BLTP1: variants seen among roughly 807,000 people sequenced by gnomAD.
BLTP1 encodes fragile site-associated protein.
At chr4:122,357,002 A>G in the BLTP1 span, 6 of 984,292 alleles carry the variant, frequency 6.1e-6, no homozygotes, top group Non-Finnish European at 7.2e-6. Flanking sequence ...TTTCAGTTAG[A>G]TCTTACAGGA....
At chr4:122,198,117 A>C in the BLTP1 span, 4 of 985,242 alleles carry the variant, frequency 4.1e-6, no homozygotes, top group African/African-American at 7.0e-5. Flanking sequence ...AGGGTTGACT[A>C]CGTTCATTAG....
chr4:122,328,571 A>T, the BLTP1 span: 1 of 804,670 alleles, frequency 1.2e-6, no homozygotes, highest in South Asian at 5.7e-5. Flanking sequence ...TTTAAATTTA[A>T]ATTTTTTTTT....
At chr4:122,280,235 T>C in the BLTP1 span, 8 of 973,110 alleles carry the variant, frequency 8.2e-6, no homozygotes, top group Non-Finnish European at 9.8e-6. Context: ...TCCTAGAGAT[T>C]TGTGGGTATT....
the BLTP1 span, among the ~76,000 whole-genome samples, chr4:122,302,852 T>TGGATTTTCTTC: frequency 6.6e-6 from 1 of 152,188 alleles, no homozygotes; most frequent in African/African-American, 2.4e-5. Flanking sequence ...AGCAATGCCC[T>TGGATTTTCTTC]AATTTTCTTC....
the BLTP1 span, chr4:122,246,053 A>G: frequency 3.8e-6 from 5 of 1,300,142 alleles, no homozygotes; most frequent in Non-Finnish European, 5.0e-6. Flanking sequence ...TGGCACATAG[A>G]TAGGCATAGA....
chr4:122,226,108 TA>T, the BLTP1 span: 1 of 152,324 alleles, frequency 6.6e-6, no homozygotes, highest in East Asian at 1.9e-4. Context: ...GAGTTTAAAT[TA>T]TGTACTTATT....
the BLTP1 span, among the ~76,000 whole-genome samples, chr4:122,193,248 A>G: frequency 6.6e-6 from 1 of 152,172 alleles, no homozygotes; most frequent in Non-Finnish European, 1.5e-5. Context: ...TAGGACTTCA[A>G]TGTATGAATT....
chr4:122,214,214 G>T, the BLTP1 span: 1 of 971,062 alleles, frequency 1.0e-6, no homozygotes. Context: ...TACATTTTTA[G>T]CTAGGAAAAA....
the BLTP1 span, chr4:122,325,312 C>T: frequency 6.2e-7 from 1 of 1,606,334 alleles, no homozygotes; most frequent in African/African-American, 1.3e-5. Context: ...TTTTAATATC[C>T]AGGATACAGT....
chr4:122,302,287 T>C, the BLTP1 span: 18 of 975,550 alleles, frequency 1.8e-5, no homozygotes, highest in Admixed American at 6.2e-5. Flanking sequence ...ATTAGACATA[T>C]CCTATACAGG....
At chr4:122,194,766 A>T in the BLTP1 span, 1 of 727,838 alleles carries the variant, frequency 1.4e-6, no homozygotes, top group Non-Finnish European at 1.7e-6. Context: ...TTACACAAAA[A>T]CCCAAACTAA....
the BLTP1 span, chr4:122,175,336 C>T: frequency 4.8e-6 from 4 of 835,052 alleles, no homozygotes; most frequent in Non-Finnish European, 5.8e-6. Context: ...TAAGTTCATC[C>T]TTTTGGGGCA....
At chr4:122,167,560 C>T in the BLTP1 span, 5 of 573,008 alleles carry the variant, frequency 8.7e-6, no homozygotes, top group Non-Finnish European at 1.1e-5. Flanking sequence ...CCTGTGCCGC[C>T]TCCTGCCCCT....
chr4:122,311,360 G>A, the BLTP1 span, among the ~76,000 whole-genome samples: 1 of 152,078 alleles, frequency 6.6e-6, no homozygotes, highest in Non-Finnish European at 1.5e-5. Flanking sequence ...CTTATTGTTT[G>A]GGTTTCTTGG....
chr4:122,272,138 A>G, the BLTP1 span: 3 of 1,598,742 alleles, frequency 1.9e-6, no homozygotes, highest in Non-Finnish European at 2.6e-6. Flanking sequence ...CTAAAATTGT[A>G]TATTTTCATT....
At chr4:122,163,998 T>C in the BLTP1 span, among the ~76,000 whole-genome samples, 1 of 152,232 alleles carries the variant, frequency 6.6e-6, no homozygotes, top group Non-Finnish European at 1.5e-5. Flanking sequence ...ATTGTAGGCA[T>C]TCCTCTTTCC....
the BLTP1 span, among the ~76,000 whole-genome samples, chr4:122,213,850 A>G: frequency 1.3e-5 from 2 of 152,184 alleles, no homozygotes; most frequent in Non-Finnish European, 2.9e-5. Context: ...TGTTGTGGAT[A>G]TAAGGTTGGA....
the BLTP1 span, among the ~76,000 whole-genome samples, chr4:122,265,763 A>G: frequency 1.3e-5 from 2 of 152,032 alleles, no homozygotes; most frequent in South Asian, 2.1e-4. Flanking sequence ...CAGTAGTGCA[A>G]TCTTGGCTCA....
chr4:122,248,375 T>TC, the BLTP1 span, among the ~76,000 whole-genome samples: 1 of 151,964 alleles, frequency 6.6e-6, no homozygotes, highest in African/African-American at 2.4e-5. Context: ...AAGACAAAAC[T>TC]CCCAACGAAA....
Sources: gnomAD v4.1 joint callset for allele counts (sites outside exome capture counted in the v4.1 genomes callset) on GRCh38, gnomAD v4.1.1 for gene constraint, MANE v1.5 for transcripts, NCBI Gene and HGNC (gene_info 2026-07-23, HGNC 2026-07-21) for gene names.